Variants in CALN1 observed in about 807,000 individuals in gnomAD.
CALN1 encodes the protein calneuron 1.
A neutral mutation model predicts 30.6 loss-of-function variants in CALN1; 17 were observed. That is an observed-to-expected ratio of 0.56 (90% CI 0.38 to 0.83). The LOEUF (loss-of-function observed/expected upper bound fraction) is 0.83, where lower values mean the gene tolerates loss of function less well. CALN1 is among the 40% of genes least tolerant of loss of function. CALN1 has a pLI of 0.00. For missense variants in CALN1, 291 were observed against 354.9 expected (o/e 0.82, Z 1.45); for synonymous variants, 156 against 131.4 (o/e 1.19, Z -1.28).
chr7:71,882,504 T>C (rs1412007730), intron 5 of CALN1, among the ~76,000 whole-genome samples: 1 of 152,212 alleles, frequency 6.6e-6, no homozygotes, highest in Non-Finnish European at 1.5e-5. Flanking sequence ...AAATTAGCTC[T>C]AACCTTGTCT....
intron 3 of CALN1, among the ~76,000 whole-genome samples, chr7:72,239,936 G>A (rs1438851638): frequency 6.6e-6 from 1 of 152,190 alleles, no homozygotes; most frequent in African/African-American, 2.4e-5. Context: ...CAAGCCAAGG[G>A]TGGAAGGGCT....
upstream of CALN1, among the ~76,000 whole-genome samples, chr7:72,417,306 C>T (rs190961413): frequency 2.2e-3 from 330 of 152,336 alleles, 2 homozygotes; most frequent in African/African-American, 7.6e-3. Context: ...CTGCCTCCCC[C>T]ACTCCACCTT....
chr7:72,184,952 C>A (rs1445662645), intron 3 of CALN1, among the ~76,000 whole-genome samples: 1 of 151,860 alleles, frequency 6.6e-6, no homozygotes, highest in African/African-American at 2.4e-5. Context: ...TCAACAAGCC[C>A]GGCTAATTTT....
chr7:72,067,600 G>T lies in CALN1; in HGVS notation c.388+38551C>A, dbSNP rs558090307. 3.3e-5 allele frequency among the ~76,000 whole-genome samples: 5 copies of T among 152,258 alleles called. No homozygotes were observed. The South Asian group carries it at 1.0e-3, about 32-fold the overall frequency. Reference sequence around the variant, plus strand: ...TCAAGCCTCCAGAGCACTCTGGAAAGCAGTATCTTATAAAGAAAAATTTAA... The same window carrying T: ...TCAAGCCTCCAGAGCACTCTGGAAATCAGTATCTTATAAAGAAAAATTTAA... On this transcript the variant is annotated intron_variant, in intron 4 of 6. Coordinates refer to ENST00000395275, the MANE Select transcript of CALN1 (RefSeq NM_031468.4).
chr7:72,019,836 C>T (rs911058522), intron 5 of CALN1, among the ~76,000 whole-genome samples: 7 of 152,080 alleles, frequency 4.6e-5, no homozygotes, highest in Non-Finnish European at 8.8e-5. Context: ...GTTTTCTGGC[C>T]CTAGATTTTG....
chr7:71,824,454 G>T (rs1266563274), intron 5 of CALN1, among the ~76,000 whole-genome samples: 1 of 152,100 alleles, frequency 6.6e-6, no homozygotes, highest in African/African-American at 2.4e-5. Context: ...TGAGTCCCCA[G>T]TGAAGTCTGA....
At chr7:72,242,252 A>C (rs1001382044) in intron 3 of CALN1, among the ~76,000 whole-genome samples, 5 of 152,152 alleles carry the variant, frequency 3.3e-5, no homozygotes, top group African/African-American at 1.2e-4. Context: ...CAATGGCTAT[A>C]CCACATTCTT....
intron 2 of CALN1, among the ~76,000 whole-genome samples, chr7:72,386,553 G>A (rs1157921776): frequency 3.3e-5 from 5 of 152,152 alleles, no homozygotes; most frequent in Admixed American, 3.3e-4. Context: ...TACTGAAGTG[G>A]GGGTTTCCAG....
At chr7:71,983,808 A>C (rs899611619) in intron 5 of CALN1, among the ~76,000 whole-genome samples, 1 of 152,194 alleles carries the variant, frequency 6.6e-6, no homozygotes, top group African/African-American at 2.4e-5. Context: ...CTGGGATTAC[A>C]GGCATGAGCC....
chr7:71,854,661 T>A (rs1002418415), intron 5 of CALN1, among the ~76,000 whole-genome samples: 1 of 152,204 alleles, frequency 6.6e-6, no homozygotes, highest in African/African-American at 2.4e-5. Flanking sequence ...GGCAGTTTCA[T>A]GCTAGACAGT....
At chr7:71,796,680 C>T (rs762301412) in intron 6 of CALN1, among the ~76,000 whole-genome samples, 121 of 152,272 alleles carry the variant, frequency 7.9e-4, no homozygotes, top group Non-Finnish European at 1.2e-3. Context: ...TTTCAAGGAA[C>T]TGACCTTTTG....
chr7:72,320,834 C>CAAAAA (rs56192893), intron 2 of CALN1, among the ~76,000 whole-genome samples: 21 of 67,118 alleles, frequency 3.1e-4, no homozygotes, highest in East Asian at 8.9e-4. Context: ...GACTCCATCT[C>CAAAAA]AAAAAAAAAA....
At chr7:72,176,475 T>A (rs1447289564) in intron 3 of CALN1, among the ~76,000 whole-genome samples, 1 of 152,104 alleles carries the variant, frequency 6.6e-6, no homozygotes, top group Non-Finnish European at 1.5e-5. Context: ...AATGTCTTAG[T>A]GCTGGCCTTG....
At chr7:71,952,432 A>G (rs1796739406) in intron 5 of CALN1, among the ~76,000 whole-genome samples, 3 of 152,192 alleles carry the variant, frequency 2.0e-5, no homozygotes, top group Non-Finnish European at 4.4e-5. Context: ...GTCAGCAGAG[A>G]AGGAGCTGCT....
At chr7:72,030,219 C>T (rs2129531716) in intron 4 of CALN1, among the ~76,000 whole-genome samples, 1 of 151,166 alleles carries the variant, frequency 6.6e-6, no homozygotes, top group Non-Finnish European at 1.5e-5. Context: ...TTCTCATGCA[C>T]TCTCTTTGTT....
intron 3 of CALN1, among the ~76,000 whole-genome samples, chr7:72,204,354 G>A (rs1356936942): frequency 6.6e-6 from 1 of 151,526 alleles, no homozygotes; most frequent in South Asian, 2.1e-4. Flanking sequence ...GTTCGTTGTT[G>A]CCTTTGTTCA....
At chr7:72,445,078 A>G (rs1188526509) in intron 1 of CALN1, among the ~76,000 whole-genome samples, 1 of 151,532 alleles carries the variant, frequency 6.6e-6, no homozygotes, top group East Asian at 1.9e-4. Flanking sequence ...ACACACACAC[A>G]CACACACACA....
intron 4 of CALN1, among the ~76,000 whole-genome samples, chr7:72,086,293 A>C (rs17429503): frequency 0.022 from 3,393 of 152,282 alleles, 56 homozygotes; most frequent in Non-Finnish European, 0.034. Context: ...AAATACTCGA[A>C]AATGGTTATT....
At position 72,027,171 on chromosome 7, in the gene CALN1, G is replaced by A. The variant is rs754363351; in HGVS notation, c.389-3402C>T. The stretch of plus-strand genomic sequence containing the variant: ...GTGTATCTGTACAAAATTTCAAGAG[G>A]GTGGGACAACTAGAAAAATGCATAT... On this transcript the variant is annotated intron_variant, in intron 4 of 6. Coordinates refer to ENST00000395275, the MANE Select transcript of CALN1 (RefSeq NM_031468.4). Among the ~76,000 whole-genome samples the A allele has an allele frequency of 3.9e-5, 6 of 152,138 alleles. No homozygotes were observed. The South Asian group carries it at 8.3e-4, about 21-fold the overall frequency.
Sources: gnomAD v4.1 joint callset for allele counts (sites outside exome capture counted in the v4.1 genomes callset) on GRCh38, gnomAD v4.1.1 for gene constraint, MANE v1.5 for transcripts, NCBI Gene and HGNC (gene_info 2026-07-23, HGNC 2026-07-21) for gene names.